Variants in RAVER2 observed in about 807,000 individuals in gnomAD.
RAVER2 encodes ribonucleoprotein, PTB binding 2.
In RAVER2, 46 loss-of-function variants were observed where a neutral mutation model predicts 78.1. The ratio of observed to expected loss-of-function variants is 0.59; its 90% CI spans 0.46 to 0.75. The LOEUF (loss-of-function observed/expected upper bound fraction) is 0.75. Ranked by LOEUF, RAVER2 falls within the 30% of genes least tolerant of loss-of-function variation. The pLI, the probability that RAVER2 is intolerant of heterozygous loss-of-function variation, is 0.00. For synonymous variants in RAVER2, 311 were observed against 313.3 expected (o/e 0.99, Z 0.08); for missense variants, 793 against 837.5 (o/e 0.95, Z 0.66).
At chr1:64,812,159 A>C (rs1449252008) in intron 9 of RAVER2, among the ~76,000 whole-genome samples, 1 of 152,104 alleles carries the variant, frequency 6.6e-6, no homozygotes, top group Non-Finnish European at 1.5e-5. Flanking sequence ...CAGGAGTTCA[A>C]GATCAGCCTG....
chr1:64,797,781 A>G (rs1230547570), intron 5 of RAVER2, among the ~76,000 whole-genome samples: 1 of 152,070 alleles, frequency 6.6e-6, no homozygotes, highest in African/African-American at 2.4e-5. Flanking sequence ...ATATGTTTAT[A>G]TGTTTAACAA....
chr1:64,805,142 G>A (rs745828556), intron 8 of RAVER2, 37 bp downstream of exon 8: 2 of 1,533,478 alleles, frequency 1.3e-6, no homozygotes, highest in East Asian at 2.2e-5. Context: ...TCAGTAAACA[G>A]TCAGGTTTGA....
At chr1:64,750,296 CTTTT>C (rs918262282) in intron 1 of RAVER2, among the ~76,000 whole-genome samples, 7 of 149,582 alleles carry the variant, frequency 4.7e-5, no homozygotes, top group African/African-American at 1.7e-4. Flanking sequence ...TTTCTCTTTT[CTTTT>C]TCTTTTCTTT....
chr1:64,788,181 G>A (rs1474467576), intron 4 of RAVER2, among the ~76,000 whole-genome samples: 1 of 152,092 alleles, frequency 6.6e-6, no homozygotes, highest in African/African-American at 2.4e-5. Context: ...TTATAAAAAA[G>A]AAGATTTTGG....
At chr1:64,817,791 T>C (rs1484462920) in intron 11 of RAVER2, among the ~76,000 whole-genome samples, 1 of 151,148 alleles carries the variant, frequency 6.6e-6, no homozygotes, top group East Asian at 2.0e-4. Flanking sequence ...TTAGGAGATA[T>C]ACCTAATGTA....
At chr1:64,765,256 G>A (rs905090734) in intron 1 of RAVER2, among the ~76,000 whole-genome samples, 1 of 152,166 alleles carries the variant, frequency 6.6e-6, no homozygotes, top group African/African-American at 2.4e-5. Context: ...CTCTCCTTGA[G>A]GAGCTCTTGC....
intron 1 of RAVER2, among the ~76,000 whole-genome samples, chr1:64,749,669 A>G (rs922087213): frequency 6.6e-6 from 1 of 152,238 alleles, no homozygotes; most frequent in Non-Finnish European, 1.5e-5. Context: ...TTTTTAATGA[A>G]TAATTTATAG....
At chr1:64,766,652 A>G (rs943431375) in intron 1 of RAVER2, among the ~76,000 whole-genome samples, 3 of 152,148 alleles carry the variant, frequency 2.0e-5, no homozygotes, top group Non-Finnish European at 4.4e-5. Context: ...GAGTAACATA[A>G]CATGTCATTT....
At chr1:64,820,147 A>T (rs1323869791) in intron 11 of RAVER2, among the ~76,000 whole-genome samples, 29 of 152,218 alleles carry the variant, frequency 1.9e-4, no homozygotes, top group Admixed American at 1.9e-3. Context: ...AGGTTGTGAT[A>T]AGTTGTGGAA....
chr1:64,814,731 A>G lies in RAVER2; in HGVS notation c.1820A>G (p.Lys607Arg), dbSNP rs372022659. The change falls in exon 11 of 12, where the codon AAG becomes AGG. Residue 607 changes from lysine (K) to arginine (R), a missense_variant. By Grantham distance (26) the Lys-to-Arg change is conservative. Transcript: ENST00000294428. ...CCTGCAAGTAAAACCACTCTTCATA[A>G]GACTGGAATTGCAAGCAGCATTCTG... The G allele has an allele frequency of 4.5e-6, 7 of 1,559,034 alleles. No individual in the cohort carries two copies. The African/African-American group carries it at 8.2e-5, about 18-fold the overall frequency.
At chr1:64,820,262 G>A (rs375658374) in intron 11 of RAVER2, among the ~76,000 whole-genome samples, 11 of 151,970 alleles carry the variant, frequency 7.2e-5, no homozygotes, top group African/African-American at 2.7e-4. Flanking sequence ...ATGTGATTAA[G>A]CCAAAATATG....
chr1:64,766,504 T>G (rs947366804), intron 1 of RAVER2, among the ~76,000 whole-genome samples: 7 of 151,882 alleles, frequency 4.6e-5, no homozygotes, highest in Admixed American at 2.6e-4. Context: ...GGTTTCGCAG[T>G]TGGCAAACTC....
rs1415596359 is a variant in RAVER2, at chr1:64,814,862, A to G, written c.1929+22A>G. The G allele has an allele frequency of 2.0e-6, 3 of 1,516,828 alleles. No homozygotes were observed. In the African/African-American group the frequency reaches 4.2e-5, roughly 21 times the overall value. 94.0% of individuals were successfully genotyped at this position (1,516,828 alleles called of 1,614,324 possible). A position where few individuals can be genotyped will look rare whatever the true frequency, so the allele number is the denominator to read the frequency against. On this transcript the variant is annotated intron_variant, in intron 11 of 11. Transcript: ENST00000294428. The stretch of plus-strand genomic sequence containing the variant: ...ACAGGTAAATAATTCCCAGGTTCTG[A>G]TGATACTCAGAAAAATTGGTTCAAC...
At chr1:64,772,861 C>T (rs1246075153) in intron 2 of RAVER2, among the ~76,000 whole-genome samples, 3 of 152,102 alleles carry the variant, frequency 2.0e-5, no homozygotes, top group Non-Finnish European at 4.4e-5. Context: ...ATATAGCAGG[C>T]ATTGTAGAGC....
rs558012222 is a variant in RAVER2 at position 64,825,480 on chromosome 1, T to C, written c.1930-5359T>C. The stretch of plus-strand genomic sequence containing the variant: ...AAATTTCATTTTGTATTTAAAGGGC[T>C]ACCTGCTAGATGCTTATATTCTTTT... On this transcript the variant is annotated intron_variant, in intron 11 of 11. Transcript: ENST00000294428. Among the ~76,000 whole-genome samples, 22 of 152,348 alleles carry C rather than the reference T, an allele frequency of 1.4e-4. 1 individual carries two copies. The highest frequency in any genetic ancestry group is 6.8e-3 in the Middle Eastern group (2 of 294).
chr1:64,812,742 C>A lies in RAVER2; in HGVS notation c.1685C>A (p.Ala562Asp), dbSNP rs765257418. 1.9e-6 allele frequency: 3 copies of A among 1,608,118 alleles called. No individual in the cohort carries two copies. In the Admixed American group the frequency reaches 5.1e-5, roughly 27 times the overall value. Reference sequence around the variant, plus strand: ...TCCTTTGTTTTTGTTAAATAGGCTGCCTCTAAGAATCAAACTTCACTCTTG... The same window carrying A: ...TCCTTTGTTTTTGTTAAATAGGCTGACTCTAAGAATCAAACTTCACTCTTG... Residue 562 changes from alanine to aspartate, a missense_variant, in exon 10 of 12, where the codon GCC (alanine) becomes GAC (aspartate). Ala to Asp is a moderately radical substitution (Grantham distance 126). Transcript: ENST00000294428.
rs1038485372 is a variant in RAVER2, at chr1:64,745,155, C to T, written c.-18C>T. The T allele has an allele frequency of 3.9e-6, 4 of 1,017,416 alleles. No individual in the cohort carries two copies. Among genetic ancestry groups the T allele is most frequent in the Non-Finnish European group, 4.7e-6 (4 of 852,576 alleles). 63.0% of individuals were successfully genotyped at this position (1,017,416 alleles called of 1,614,324 possible). ...CTGGAGCCTCCGAGGAGTCCGCAGC[C>T]GCTGGGCGCCCGGGAAGATGGCGGC... On this transcript the variant is annotated 5_prime_UTR_variant, in exon 1 of 12. Transcript: ENST00000294428. The surrounding 1 kb of genome is among the most constrained non-coding windows in gnomAD (Gnocchi z 4.3).
chr1:64,781,491 A>G, exon 4 of RAVER2: 3 of 1,614,168 alleles, frequency 1.9e-6, no homozygotes, highest in Non-Finnish European at 2.5e-6. Context: ...CATCAAGGGC[A>G]GCAAAGTCCA....
rs147223768 is a variant in RAVER2 at position 64,751,172 on chromosome 1, T to C, written c.249+5751T>C. The stretch of plus-strand genomic sequence containing the variant: ...CTGGGTTATGCTTAGAAATTCTTTT[T>C]TGAACTTGTGACATGTTTTCACATA... On this transcript the variant is annotated intron_variant, in intron 1 of 11. Coordinates refer to ENST00000294428, the Ensembl canonical transcript of RAVER2. Among the ~76,000 whole-genome samples the C allele has an allele frequency of 5.5e-4, 84 of 152,396 alleles. No homozygotes were observed. The East Asian group carries it at 0.013, about 23-fold the overall frequency.
Sources: gnomAD v4.1 joint callset for allele counts (sites outside exome capture counted in the v4.1 genomes callset) on GRCh38, gnomAD v4.1.1 for gene constraint, Gnocchi (gnomAD v3.1) non-coding constraint, MANE v1.5 for transcripts, NCBI Gene and HGNC (gene_info 2026-07-23, HGNC 2026-07-21) for gene names.